The following ROR1 variants were observed in gnomAD, a reference collection of about 807,000 sequenced individuals.
The protein encoded by ROR1 is inactive tyrosine-protein kinase transmembrane receptor ROR1.
A neutral mutation model predicts 78.8 loss-of-function variants in ROR1; 19 were observed. The ratio of observed to expected loss-of-function variants is 0.24; its 90% CI spans 0.17 to 0.35. The LOEUF is 0.35. Ranked by LOEUF, ROR1 falls within the 10% of genes least tolerant of loss-of-function variation. The probability of loss-of-function intolerance (pLI) is 1.00; values close to 1 mark genes in which losing one functional copy is unlikely to be tolerated. For missense variants in ROR1, 917 were observed against 1,177.8 expected (o/e 0.78, Z 3.24); for synonymous variants, 386 against 433.6 (o/e 0.89, Z 1.36).
chr1:64,022,489 AG>A (rs1239624579), intron 2 of ROR1, among the ~76,000 whole-genome samples: 2 of 152,238 alleles, frequency 1.3e-5, no homozygotes, highest in Admixed American at 1.3e-4. Context: ...CTGTACTGCC[AG>A]GTCTCTGAGG....
intron 1 of ROR1, among the ~76,000 whole-genome samples, chr1:63,852,467 C>A (rs1379141145): frequency 6.6e-6 from 1 of 152,218 alleles, no homozygotes; most frequent in African/African-American, 2.4e-5. Flanking sequence ...CTCCACTTCT[C>A]CCCTCTTCGG....
chr1:63,789,640 CAGG>C (rs1644713167), intron 1 of ROR1, among the ~76,000 whole-genome samples: 1 of 144,416 alleles, frequency 6.9e-6, no homozygotes, highest in Non-Finnish European at 1.5e-5. Flanking sequence ...GCATTTGAAT[CAGG>C]AGGAGGAAAA....
At chr1:63,987,662 G>A (rs1207568587) in intron 1 of ROR1, among the ~76,000 whole-genome samples, 4 of 152,150 alleles carry the variant, frequency 2.6e-5, no homozygotes, top group African/African-American at 4.8e-5. Context: ...AAGTTTTAAC[G>A]AGAACAACAT....
At chr1:63,916,747 G>A (rs1382783238) in intron 1 of ROR1, among the ~76,000 whole-genome samples, 1 of 152,124 alleles carries the variant, frequency 6.6e-6, no homozygotes, top group African/African-American at 2.4e-5. Flanking sequence ...ACAGAGTAGG[G>A]GGAAGTGAGA....
intron 8 of ROR1, among the ~76,000 whole-genome samples, chr1:64,173,978 AT>A (rs994832278): frequency 0.013 from 1,892 of 147,372 alleles, 32 homozygotes; most frequent in African/African-American, 0.041. Flanking sequence ...TTTTTAAAGG[AT>A]TTTTTTTTTT....
At chr1:64,036,840 CAT>C (rs1646706051) in intron 2 of ROR1, among the ~76,000 whole-genome samples, 1 of 152,158 alleles carries the variant, frequency 6.6e-6, no homozygotes, top group Non-Finnish European at 1.5e-5. Flanking sequence ...CAGAGTCTCT[CAT>C]GTGGTTGCAG....
chr1:63,883,273 A>G (rs1645335111), intron 1 of ROR1, among the ~76,000 whole-genome samples: 1 of 152,330 alleles, frequency 6.6e-6, no homozygotes, highest in Non-Finnish European at 1.5e-5. Context: ...GAAGCCAGAA[A>G]AAGAACATCT....
intron 1 of ROR1, among the ~76,000 whole-genome samples, chr1:63,924,679 C>T (rs137859895): frequency 1.8e-3 from 275 of 152,238 alleles, no homozygotes; most frequent in Non-Finnish European, 3.1e-3. Flanking sequence ...CTGCCTTTAC[C>T]GAGCTTAAAG....
intron 1 of ROR1, among the ~76,000 whole-genome samples, chr1:63,899,779 C>G (rs1645470690): frequency 6.6e-6 from 1 of 151,538 alleles, no homozygotes; most frequent in Non-Finnish European, 1.5e-5. Context: ...TTACAAAGTT[C>G]TTCTAATTTT....
intron 1 of ROR1, among the ~76,000 whole-genome samples, chr1:63,946,254 T>G (rs1187993503): frequency 6.6e-6 from 1 of 152,172 alleles, no homozygotes; most frequent in Non-Finnish European, 1.5e-5. Context: ...TCCTCCTCTC[T>G]GCTTTACTGC....
At chr1:64,020,098 G>A (rs567230968) in intron 2 of ROR1, among the ~76,000 whole-genome samples, 9 of 152,274 alleles carry the variant, frequency 5.9e-5, no homozygotes, top group African/African-American at 2.2e-4. Context: ...CCACTCCAGG[G>A]CCACCAGAAA....
intron 8 of ROR1, among the ~76,000 whole-genome samples, chr1:64,165,834 A>G (rs1331334587): frequency 6.6e-6 from 1 of 150,452 alleles, no homozygotes. Context: ...CCTCCTGAGT[A>G]GCTGGGACTA....
intron 1 of ROR1, among the ~76,000 whole-genome samples, chr1:63,989,413 A>T (rs1356709963): frequency 1.3e-5 from 2 of 152,018 alleles, no homozygotes; most frequent in African/African-American, 4.8e-5. Context: ...ATCAGTGAAT[A>T]TTTGCTCTCG....
chr1:63,935,358 A>G (rs1645786110), intron 1 of ROR1, among the ~76,000 whole-genome samples: 1 of 152,196 alleles, frequency 6.6e-6, no homozygotes, highest in Non-Finnish European at 1.5e-5. Context: ...GGTCCTGTTT[A>G]CCAGCAGAGG....
At chr1:64,037,513 A>G (rs906673721) in intron 2 of ROR1, among the ~76,000 whole-genome samples, 5 of 152,092 alleles carry the variant, frequency 3.3e-5, no homozygotes, top group African/African-American at 1.2e-4. Context: ...GCCTTGTTTT[A>G]TCATGCAATT....
intron 6 of ROR1, 46 bp downstream of exon 6, chr1:64,140,472 A>C: frequency 6.4e-7 from 1 of 1,557,424 alleles, no homozygotes; most frequent in Non-Finnish European, 8.8e-7. Flanking sequence ...AGGGTCAGCA[A>C]CCTGTTGGCA....
intron 1 of ROR1, among the ~76,000 whole-genome samples, chr1:63,945,006 T>C (rs1234605082): frequency 3.9e-5 from 6 of 152,162 alleles, no homozygotes; most frequent in Non-Finnish European, 7.3e-5. Flanking sequence ...CCAGTTAGAA[T>C]CCAGGGTGAC....
intron 2 of ROR1, among the ~76,000 whole-genome samples, chr1:64,033,676 A>C (rs960344305): frequency 6.6e-6 from 1 of 152,204 alleles, no homozygotes; most frequent in Admixed American, 6.5e-5. Flanking sequence ...CCTTATATAG[A>C]ACTTCACTGT....
chr1:63,857,855 C>T (rs1433411106), intron 1 of ROR1, among the ~76,000 whole-genome samples: 2 of 152,198 alleles, frequency 1.3e-5, no homozygotes, highest in African/African-American at 4.8e-5. Flanking sequence ...TCCAAGTCCC[C>T]ATCCTGCACA....
Sources: allele counts gnomAD v4.1 joint callset (sites outside exome capture counted in the v4.1 genomes callset), GRCh38; gene constraint gnomAD v4.1.1; transcripts MANE v1.5; gene names NCBI Gene and HGNC (gene_info 2026-07-23, HGNC 2026-07-21).